The following XKR4 variants were observed in gnomAD, a reference collection of about 807,000 sequenced individuals.
XKR4 encodes the protein XK-related protein 4.
In XKR4, 12 loss-of-function variants were observed where a neutral mutation model predicts 53.9. The observed-to-expected ratio is 0.22, with a 90% confidence interval of 0.14 to 0.36. The LOEUF (loss-of-function observed/expected upper bound fraction) is 0.36. XKR4 is among the 10% of genes least tolerant of loss of function. The pLI is 1.00. For missense variants in XKR4, 799 were observed against 859.5 expected, an observed-to-expected ratio of 0.93 and a Z score of 0.88; for synonymous variants, 354 against 362.4, an observed-to-expected ratio of 0.98 and a Z score of 0.26.
At position 55,516,587 on chromosome 8, in the gene XKR4, C is replaced by T. The variant is rs180915034; in HGVS notation, c.1007-6694C>T. 1.1e-3 allele frequency among the ~76,000 whole-genome samples: 166 copies of T among 152,146 alleles called. 1 individual carries two copies. The highest frequency in any genetic ancestry group is 3.5e-3 in the African/African-American group (146 of 41,506). ...TGATATGAGAAAAGCTACTGTATGGCAAATGTACTCATTCATTAAAAAGTC... is the reference window on the plus strand; with the variant it reads ...TGATATGAGAAAAGCTACTGTATGGTAAATGTACTCATTCATTAAAAAGTC... On this transcript the variant is annotated intron_variant, in intron 2 of 2. Coordinates refer to ENST00000327381, the MANE Select transcript of XKR4 (RefSeq NM_052898.2).
intron 2 of XKR4, among the ~76,000 whole-genome samples, chr8:55,518,222 A>C (rs1806744163): frequency 2.6e-5 from 4 of 152,218 alleles, no homozygotes. Flanking sequence ...ACAGGAGTTC[A>C]GATTTTATTA....
chr8:55,262,817 G>A (rs1563496174), intron 1 of XKR4, among the ~76,000 whole-genome samples: 1 of 152,236 alleles, frequency 6.6e-6, no homozygotes, highest in Non-Finnish European at 1.5e-5. Context: ...TGCCAACGAG[G>A]ATGTGAGATC....
chr8:55,511,280 T>C (rs1476295738), intron 2 of XKR4, among the ~76,000 whole-genome samples: 1 of 152,078 alleles, frequency 6.6e-6, no homozygotes, highest in African/African-American at 2.4e-5. Context: ...AGCTACTGTG[T>C]GTAAAAGGTG....
At chr8:55,357,960 C>T (rs948482572) in intron 2 of XKR4, 83 bp downstream of exon 2, 8 of 1,398,024 alleles carry the variant, frequency 5.7e-6, no homozygotes, top group Admixed American at 2.1e-5. Context: ...TGTCCTAATG[C>T]CCTTTGTTGA....
intron 2 of XKR4, among the ~76,000 whole-genome samples, chr8:55,472,451 G>T (rs1409279807): frequency 6.6e-6 from 1 of 152,054 alleles, no homozygotes; most frequent in African/African-American, 2.4e-5. Context: ...ACTATTATTA[G>T]TATGTATAAC....
At chr8:55,512,618 T>C (rs1806645627) in intron 2 of XKR4, among the ~76,000 whole-genome samples, 1 of 152,216 alleles carries the variant, frequency 6.6e-6, no homozygotes, top group South Asian at 2.1e-4. Context: ...GGGAACGATG[T>C]TTGTGTCTTT....
intron 1 of XKR4, among the ~76,000 whole-genome samples, chr8:55,294,217 G>A (rs1563317616): frequency 1.3e-5 from 2 of 152,088 alleles, no homozygotes; most frequent in African/African-American, 4.8e-5. Flanking sequence ...TCCCTCCCAA[G>A]CCCTCTCTAT....
chr8:55,463,483 G>C (rs1299155775), intron 2 of XKR4, among the ~76,000 whole-genome samples: 2 of 151,552 alleles, frequency 1.3e-5, no homozygotes. Flanking sequence ...GCAGTGTGTA[G>C]AGGGAAATTT....
intron 2 of XKR4, among the ~76,000 whole-genome samples, chr8:55,507,038 T>C (rs948289689): frequency 1.3e-5 from 2 of 152,222 alleles, no homozygotes; most frequent in Non-Finnish European, 2.9e-5. Flanking sequence ...CTGAGATATG[T>C]TTCTTTATGA....
rs1181051792 is a variant in XKR4 at position 55,535,550 on chromosome 8, C to T, written c.*11323C>T. 3 of 152,066 alleles carry T rather than the reference C, an allele frequency of 2.0e-5. No individual in the cohort carries two copies. The highest frequency in any genetic ancestry group is 4.8e-5 in the African/African-American group (2 of 41,390). The allele number at this position is 152,066 out of a possible 1,614,324, so 9.4% of individuals were successfully genotyped here. ...TGTAATGTACAATGAGGTGGCCAATCGTGGGAATATAGGAGCAATAAATAG... is the reference window on the plus strand; with the variant it reads ...TGTAATGTACAATGAGGTGGCCAATTGTGGGAATATAGGAGCAATAAATAG... On this transcript the variant is annotated 3_prime_UTR_variant, in exon 3 of 3. Transcript: ENST00000327381.
At chr8:55,256,087 G>A (rs553863821) in intron 1 of XKR4, among the ~76,000 whole-genome samples, 23 of 151,912 alleles carry the variant, frequency 1.5e-4, no homozygotes, top group African/African-American at 5.6e-4. Flanking sequence ...TAGCTCAGGG[G>A]AGCTGAAGGA....
chr8:55,189,007 A>G (rs1283268493), intron 1 of XKR4, among the ~76,000 whole-genome samples: 1 of 152,164 alleles, frequency 6.6e-6, no homozygotes, highest in Non-Finnish European at 1.5e-5. Context: ...TGTCATCTAG[A>G]TCGGGAACTA....
intron 2 of XKR4, chr8:55,449,393 G>C: frequency 1.6e-6 from 1 of 623,274 alleles, no homozygotes; most frequent in Non-Finnish European, 2.9e-6. Flanking sequence ...TGGGGGCTCG[G>C]GGCCTCACTA....
At chr8:55,514,012 C>T (rs1301688746) in intron 2 of XKR4, among the ~76,000 whole-genome samples, 2 of 152,180 alleles carry the variant, frequency 1.3e-5, no homozygotes, top group Non-Finnish European at 2.9e-5. Flanking sequence ...CTCTCAATAA[C>T]AGCCAAGCCA....
chr8:55,320,126 C>T (rs149182904), intron 1 of XKR4, among the ~76,000 whole-genome samples: 7 of 152,308 alleles, frequency 4.6e-5, no homozygotes, highest in East Asian at 1.9e-4. Context: ...TGTTATATTA[C>T]GTTAGGCAGG....
intron 2 of XKR4, among the ~76,000 whole-genome samples, chr8:55,371,703 G>T (rs1314650236): frequency 6.6e-6 from 1 of 152,156 alleles, no homozygotes; most frequent in Non-Finnish European, 1.5e-5. Context: ...TGTCGTGGAG[G>T]TAATGATATT....
intron 2 of XKR4, among the ~76,000 whole-genome samples, chr8:55,376,973 C>CACACACAT (rs1804161637): frequency 6.6e-6 from 1 of 151,304 alleles, no homozygotes; most frequent in African/African-American, 2.4e-5. Context: ...CACACACACA[C>CACACACAT]ACAGAGAGAG....
chr8:55,192,573 A>T (rs758781285), intron 1 of XKR4, among the ~76,000 whole-genome samples: 1 of 152,128 alleles, frequency 6.6e-6, no homozygotes, highest in Non-Finnish European at 1.5e-5. Flanking sequence ...ATAACAGGAG[A>T]CTCGGGTTAT....
chr8:55,119,633 C>T (rs569768387), intron 1 of XKR4, among the ~76,000 whole-genome samples: 1 of 152,230 alleles, frequency 6.6e-6, no homozygotes, highest in Non-Finnish European at 1.5e-5. Flanking sequence ...CACACTCAGA[C>T]ATGTATTTTC....
Sources: allele counts gnomAD v4.1 joint callset (sites outside exome capture counted in the v4.1 genomes callset), GRCh38; gene constraint gnomAD v4.1.1; transcripts MANE v1.5; gene names NCBI Gene and HGNC (gene_info 2026-07-23, HGNC 2026-07-21).